Variants in HORMAD1 observed in about 807,000 individuals in gnomAD.
HORMAD1 encodes HORMA domain-containing protein 1.
Under a neutral mutation model 58.2 loss-of-function variants are expected in HORMAD1, and 33 were observed. That is an observed-to-expected ratio of 0.57 (90% confidence interval 0.43 to 0.76). The LOEUF (loss-of-function observed/expected upper bound fraction) is 0.76. Ranked by LOEUF, HORMAD1 falls within the 30% of genes least tolerant of loss-of-function variation. The probability of loss-of-function intolerance (pLI) is 0.00; values close to 1 mark genes in which losing one functional copy is unlikely to be tolerated. For synonymous variants in HORMAD1, 137 were observed against 144.6 expected, an observed-to-expected ratio of 0.95 and a Z score of 0.38; for missense variants, 363 against 462.0, an observed-to-expected ratio of 0.79 and a Z score of 1.96.
chr1:150,706,883 G>A (rs928640626), intron 9 of HORMAD1, 74 bp from the exon 10 acceptor site: 25 of 1,216,426 alleles, frequency 2.1e-5, no homozygotes, highest in South Asian at 3.3e-5. Flanking sequence ...AAAAACACAC[G>A]CAGATTGCAG....
chr1:150,713,331 G>T (rs1422486453), intron 5 of HORMAD1, among the ~76,000 whole-genome samples: 6 of 152,122 alleles, frequency 3.9e-5, no homozygotes, highest in African/African-American at 1.4e-4. Context: ...AGCTTACCCA[G>T]TTCCTACCTA....
chr1:150,719,554 C>T lies in HORMAD1; in HGVS notation c.-33-16G>A. On this transcript the variant is annotated splice_polypyrimidine_tract_variant and intron_variant, in intron 1 of 14. Coordinates refer to ENST00000361824, the MANE Select transcript of HORMAD1 (RefSeq NM_032132.5). ...TTAATTCAACCTTGTGACACAAATA[C>T]AAGCTTTAACTTAGAGCTCATTTTT... 7.2e-7 allele frequency: 1 copy of T among 1,379,680 alleles called. No individual in the cohort carries two copies. Among genetic ancestry groups the T allele is most frequent in the Admixed American group, 2.2e-5 (1 of 46,374 alleles). 85.5% of individuals were successfully genotyped at this position (1,379,680 alleles called of 1,614,324 possible).
In HORMAD1 at chr1:150,706,736, A is replaced by G. The variant is rs1163946564; in HGVS notation, c.621T>C (p.Pro207=). Residue 207 remains proline, a synonymous_variant, in exon 10 of 15, where the codon CCT becomes CCC. Transcript: ENST00000361824. ...AGACTTCTCCCACATTTAAATACAT[A>G]GGTTCCCCTTCAAATATAACTCCTT... is the stretch of plus-strand genomic sequence containing the variant. ...DCEGVIFEGE[P]MYLNVGEVST... is the part of the protein sequence containing the mutation. The G allele has an allele frequency of 6.2e-7, 1 of 1,613,458 alleles. No individual in the cohort carries two copies. The highest frequency in any genetic ancestry group is 8.5e-7 in the Non-Finnish European group (1 of 1,179,566).
rs1224879430 is a variant in HORMAD1 at position 150,698,168 on chromosome 1, A to G, written c.*486T>C. 1 of 152,242 alleles carries G rather than the reference A, an allele frequency of 6.6e-6. No homozygotes were observed. 9.4% of individuals were successfully genotyped at this position (152,242 alleles called of 1,614,324 possible). On this transcript the variant is annotated 3_prime_UTR_variant, in exon 15 of 15. Coordinates refer to ENST00000361824, the MANE Select transcript of HORMAD1 (RefSeq NM_032132.5). Reference sequence around the variant, plus strand: ...AGTAAAGGTAAAGCACCAATTCTTAAATTGTACATTATATATTAAAATGTT... The same window carrying G: ...AGTAAAGGTAAAGCACCAATTCTTAGATTGTACATTATATATTAAAATGTT...
At chr1:150,715,003 T>C (rs989085305) in intron 3 of HORMAD1, among the ~76,000 whole-genome samples, 4 of 152,066 alleles carry the variant, frequency 2.6e-5, no homozygotes, top group African/African-American at 9.7e-5. Flanking sequence ...CAGACTAGTC[T>C]CGAACTCCTG....
intron 4 of HORMAD1, 91 bp from the exon 5 acceptor site, chr1:150,714,212 A>C (rs1651994780): frequency 1.3e-6 from 1 of 755,504 alleles, no homozygotes; most frequent in Non-Finnish European, 2.2e-6. Flanking sequence ...TCATTACTAA[A>C]TAATACAAAA....
At chr1:150,715,264 C>T (rs1652035069) in intron 3 of HORMAD1, among the ~76,000 whole-genome samples, 1 of 152,050 alleles carries the variant, frequency 6.6e-6, no homozygotes, top group Non-Finnish European at 1.5e-5. Context: ...AGATATGTTG[C>T]TTTCATGCCA....
intron 13 of HORMAD1, among the ~76,000 whole-genome samples, chr1:150,701,577 T>G (rs12063547): frequency 0.39 from 58,569 of 152,032 alleles, 11,612 homozygotes; most frequent in South Asian, 0.55. Context: ...GAGTTGGGAA[T>G]AAATGTTCTA....
intron 7 of HORMAD1, among the ~76,000 whole-genome samples, chr1:150,709,826 G>A (rs1211680678): frequency 6.6e-6 from 1 of 152,216 alleles, no homozygotes; most frequent in Non-Finnish European, 1.5e-5. Context: ...TTGCAGCAAT[G>A]CTGCCTTGTT....
intron 7 of HORMAD1, among the ~76,000 whole-genome samples, 162 bp downstream of exon 7, chr1:150,711,383 G>A (rs1347498987): frequency 6.6e-6 from 1 of 152,124 alleles, no homozygotes; most frequent in Non-Finnish European, 1.5e-5. Context: ...TCCAAGCCCT[G>A]CCTTACCTCA....
chr1:150,713,052 T>A (rs183614175), intron 5 of HORMAD1, among the ~76,000 whole-genome samples: 1 of 152,140 alleles, frequency 6.6e-6, no homozygotes, highest in Non-Finnish European at 1.5e-5. Context: ...AAACTTCCAA[T>A]TCTTTGCATT....
intron 5 of HORMAD1, 86 bp downstream of exon 5, chr1:150,713,999 T>G: frequency 2.3e-6 from 2 of 869,202 alleles, no homozygotes; most frequent in South Asian, 3.0e-5. Context: ...TTAGTTCAAA[T>G]GAATGTTTTA....
At chr1:150,706,916 G>A (rs1052970087) in intron 9 of HORMAD1, 107 bp from the exon 10 acceptor site, 1 of 919,094 alleles carries the variant, frequency 1.1e-6, no homozygotes, top group Non-Finnish European at 1.6e-6. Flanking sequence ...GTATATAAGG[G>A]CATAAGGTAA....
Position 150,711,462 on chromosome 1 carries a change from C to T in HORMAD1, c.327+83G>A, listed in dbSNP as rs587761381. On this transcript the variant is annotated intron_variant, in intron 7 of 14. Coordinates refer to ENST00000361824, the MANE Select transcript of HORMAD1 (RefSeq NM_032132.5). ...ATATTGATTAAAGCATAATTAAAAG[C>T]ATAAGATATTCTTATATTATGTTTC... The T allele has an allele frequency of 1.8e-4, 169 of 958,784 alleles. No homozygotes were observed. In the African/African-American group the frequency reaches 2.5e-3, roughly 14 times the overall value. The allele number at this position is 958,784 out of a possible 1,614,324, so 59.4% of individuals were successfully genotyped here.
chr1:150,706,704 G>A lies in HORMAD1; in HGVS notation c.653C>T (p.Pro218Leu), dbSNP rs1026526614. ...CACTTTTACTTTGAAGATGTGAAAA[G>A]GTGTTGAGACTTCTCCCACATTTAA... ...MYLNVGEVST[P>L]FHIFKVKVTT... The change falls in exon 10 of 15, where the codon CCT becomes CTT. Residue 218 changes from proline to leucine, a missense_variant. Pro to Leu is a moderately conservative substitution (Grantham distance 98). Coordinates refer to ENST00000361824, the MANE Select transcript of HORMAD1 (RefSeq NM_032132.5). 3.1e-6 allele frequency: 5 copies of A among 1,613,458 alleles called. No homozygotes were observed. Among genetic ancestry groups the A allele is most frequent in the Admixed American group, 1.7e-5 (1 of 59,954 alleles).
At chr1:150,720,403 A>C (rs1350953930) in intron 1 of HORMAD1, among the ~76,000 whole-genome samples, 1 of 152,014 alleles carries the variant, frequency 6.6e-6, no homozygotes, top group African/African-American at 2.4e-5. Flanking sequence ...GGGTTTCGCC[A>C]TGTTGGTCAG....
At chr1:150,714,592 T>A in intron 4 of HORMAD1, 23 bp downstream of exon 4, 1 of 1,272,972 alleles carries the variant, frequency 7.9e-7, no homozygotes, top group Non-Finnish European at 1.1e-6. Flanking sequence ...TAATTTTCTC[T>A]CTTTAGGTAT....
rs1480739780 is a variant in HORMAD1, at chr1:150,706,707, G to T, written c.650C>A (p.Thr217Lys). 1 of 1,613,680 alleles carries T rather than the reference G, an allele frequency of 6.2e-7. No individual in the cohort carries two copies. Among genetic ancestry groups the T allele is most frequent in the Admixed American group, 1.7e-5 (1 of 59,990 alleles). ...PMYLNVGEVS[T>K]PFHIFKVKVT... ...TTTTACTTTGAAGATGTGAAAAGGT[G>T]TTGAGACTTCTCCCACATTTAAATA... is the stretch of plus-strand genomic sequence containing the variant. The change falls in exon 10 of 15, where the codon ACA becomes AAA. Residue 217 changes from threonine to lysine, a missense_variant. Transcript: ENST00000361824.
At chr1:150,700,538 G>A (rs1651506265) in intron 13 of HORMAD1, among the ~76,000 whole-genome samples, 1 of 152,104 alleles carries the variant, frequency 6.6e-6, no homozygotes, top group South Asian at 2.1e-4. Flanking sequence ...ATGATTTTCA[G>A]TACCTTCACA....
Sources: gnomAD v4.1 joint callset for allele counts (sites outside exome capture counted in the v4.1 genomes callset) on GRCh38, gnomAD v4.1.1 for gene constraint, MANE v1.5 for transcripts, NCBI Gene and HGNC (gene_info 2026-07-23, HGNC 2026-07-21) for gene names.